Variants in LCORL observed in about 807,000 individuals in gnomAD.
The protein encoded by LCORL is ligand dependent nuclear receptor corepressor like, also known as ligand-dependent nuclear receptor corepressor-like protein.
Under a neutral mutation model 141.8 loss-of-function variants are expected in LCORL, and 41 were observed. That is an observed-to-expected ratio of 0.29 (90% CI 0.23 to 0.38). The LOEUF (loss-of-function observed/expected upper bound fraction) is 0.38. Among genes scored for constraint, LCORL ranks in the 10% least tolerant of loss-of-function variants. The pLI, the probability that LCORL is intolerant of heterozygous loss-of-function variation, is 1.00. For missense variants in LCORL, 1,759 were observed against 2,035.0 expected (o/e 0.86, Z 2.61); for synonymous variants, 618 against 694.1 (o/e 0.89, Z 1.72).
chr4:17,950,470 T>C (rs1560391887), intron 4 of LCORL, among the ~76,000 whole-genome samples: 1 of 152,188 alleles, frequency 6.6e-6, no homozygotes, highest in African/African-American at 2.4e-5. Context: ...TGATGTGGGG[T>C]GCTAATACAT....
chr4:17,904,302 G>A (rs184541639), intron 5 of LCORL, among the ~76,000 whole-genome samples: 1 of 152,000 alleles, frequency 6.6e-6, no homozygotes, highest in East Asian at 1.9e-4. Flanking sequence ...CTTATCAGTT[G>A]TCTGTCTCAC....
At chr4:17,919,452 T>G (rs551792760) in intron 4 of LCORL, among the ~76,000 whole-genome samples, 1 of 152,280 alleles carries the variant, frequency 6.6e-6, no homozygotes, top group South Asian at 2.1e-4. Context: ...AAAAAAAACC[T>G]ATCCATTAGT....
At chr4:17,903,578 T>A (rs1012183258) in intron 5 of LCORL, among the ~76,000 whole-genome samples, 15 of 152,092 alleles carry the variant, frequency 9.9e-5, no homozygotes, top group African/African-American at 3.6e-4. Flanking sequence ...GAATCCTGGG[T>A]ATAGGCAATG....
chr4:17,901,472 TA>T (rs1294558033), intron 5 of LCORL, among the ~76,000 whole-genome samples: 18 of 151,098 alleles, frequency 1.2e-4, no homozygotes, highest in African/African-American at 4.4e-4. Context: ...ACATGTGAAA[TA>T]TAAGAAGAAA....
intron 6 of LCORL, chr4:17,880,850 TA>T (rs777678303): frequency 2.1e-4 from 178 of 859,520 alleles, no homozygotes; most frequent in Middle Eastern, 6.0e-4. Flanking sequence ...TTGTAATAAA[TA>T]ATTCATGAAT....
At chr4:17,933,172 A>G (rs1736320764) in intron 4 of LCORL, among the ~76,000 whole-genome samples, 1 of 152,134 alleles carries the variant, frequency 6.6e-6, no homozygotes, top group African/African-American at 2.4e-5. Context: ...CAATAATCCC[A>G]GGTATGTAGT....
rs765358980 is a variant in LCORL, at chr4:17,957,172, G to C, written c.430+4731C>G. On this transcript the variant is annotated intron_variant, in intron 4 of 7. Transcript: ENST00000635767. ...TGAGCTATGATGGGAATAGTATTTG[G>C]GAGGAAGAAAGCAAAAAGCCTGGTA... 4.7e-4 allele frequency among the ~76,000 whole-genome samples: 72 copies of C among 151,958 alleles called. 1 individual carries two copies. Among genetic ancestry groups the C allele is most frequent in the Admixed American group, 5.9e-4 (9 of 15,252 alleles).
At chr4:17,978,979 T>C (rs995789968) in intron 1 of LCORL, among the ~76,000 whole-genome samples, 5 of 152,224 alleles carry the variant, frequency 3.3e-5, no homozygotes, top group African/African-American at 1.2e-4. Context: ...GTTTGTTACA[T>C]ATGTATACAT....
At chr4:17,993,753 G>A (rs896966857) in intron 1 of LCORL, among the ~76,000 whole-genome samples, 2 of 151,934 alleles carry the variant, frequency 1.3e-5, no homozygotes, top group Non-Finnish European at 2.9e-5. Flanking sequence ...AGCAAGTGGC[G>A]AATAGAATGA....
chr4:17,966,142 A>G (rs1180550031), intron 2 of LCORL, among the ~76,000 whole-genome samples: 1 of 152,154 alleles, frequency 6.6e-6, no homozygotes, highest in African/African-American at 2.4e-5. Flanking sequence ...CATCATCCGT[A>G]GACAATGATT....
intron 7 of LCORL, among the ~76,000 whole-genome samples, chr4:17,864,184 T>C (rs1394538296): frequency 6.6e-6 from 1 of 152,122 alleles, no homozygotes; most frequent in East Asian, 1.9e-4. Context: ...TATTTGAAGG[T>C]AGAACCCTGA....
chr4:17,899,647 C>A (rs1730571808), intron 5 of LCORL, among the ~76,000 whole-genome samples: 1 of 151,874 alleles, frequency 6.6e-6, no homozygotes, highest in African/African-American at 2.4e-5. Context: ...GCATAAGAAC[C>A]CAATTTTGGC....
chr4:18,020,995 C>A (rs1280194711), intron 1 of LCORL, among the ~76,000 whole-genome samples: 1 of 152,086 alleles, frequency 6.6e-6, no homozygotes, highest in Non-Finnish European at 1.5e-5. Flanking sequence ...GAGTTGGGCG[C>A]CCCCCGCCCC....
At chr4:17,863,205 A>G (rs1158873395) in intron 7 of LCORL, among the ~76,000 whole-genome samples, 1 of 152,142 alleles carries the variant, frequency 6.6e-6, no homozygotes. Flanking sequence ...AATCCCAGCT[A>G]CTTGGGAGAC....
intron 5 of LCORL, among the ~76,000 whole-genome samples, chr4:17,890,004 G>C (rs936268287): frequency 5.9e-5 from 9 of 152,006 alleles, no homozygotes; most frequent in African/African-American, 2.2e-4. Flanking sequence ...GGTGGAGGGG[G>C]AGGTAATTAA....
At chr4:17,906,712 G>C (rs1032940446) in intron 5 of LCORL, among the ~76,000 whole-genome samples, 1 of 137,266 alleles carries the variant, frequency 7.3e-6, no homozygotes, top group African/African-American at 2.8e-5. Flanking sequence ...TTTTGAGACA[G>C]AGTCTTGCTC....
chr4:17,973,236 A>C (rs1716313964), intron 1 of LCORL, among the ~76,000 whole-genome samples: 1 of 151,882 alleles, frequency 6.6e-6, no homozygotes, highest in Admixed American at 6.6e-5. Flanking sequence ...ATAATTGTTT[A>C]TGTTTGTTTT....
chr4:17,897,241 T>TTTTTTTTTTTTTTG (rs1730114487), intron 5 of LCORL, among the ~76,000 whole-genome samples: 1 of 125,354 alleles, frequency 8.0e-6, no homozygotes, highest in Admixed American at 7.7e-5. Context: ...TTTTTTTTTT[T>TTTTTTTTTTTTTTG]TTTTTTTTTT....
chr4:17,881,683 A>T lies in LCORL; in HGVS notation c.777-3470T>A, dbSNP rs1268399404. 3 of 948,114 alleles carry T rather than the reference A, an allele frequency of 3.2e-6. No individual in the cohort carries two copies. The African/African-American group carries it at 5.3e-5, about 17-fold the overall frequency. 58.7% of individuals were successfully genotyped at this position (948,114 alleles called of 1,614,324 possible). On this transcript the variant is annotated intron_variant, in intron 6 of 7. Coordinates refer to ENST00000635767, the Ensembl canonical transcript of LCORL. ...AGTTTCCCTTTACTATAAACTTCTC[A>T]ATCAATTTATTAATGTAAATATAGT...
Sources: allele counts gnomAD v4.1 joint callset (sites outside exome capture counted in the v4.1 genomes callset), GRCh38; gene constraint gnomAD v4.1.1; transcripts MANE v1.5; gene names NCBI Gene and HGNC (gene_info 2026-07-23, HGNC 2026-07-21).